Variants in NOL11 observed in about 807,000 individuals in gnomAD.
NOL11 encodes nucleolar protein 11.
Under a neutral mutation model 93.0 loss-of-function variants are expected in NOL11, and 42 were observed. That is an observed-to-expected ratio of 0.45 (90% CI 0.35 to 0.58). The LOEUF is 0.58. NOL11 is among the 20% of genes least tolerant of loss of function. NOL11 has a pLI of 0.00. For synonymous variants in NOL11, 296 were observed against 293.7 expected, an observed-to-expected ratio of 1.01 and a Z score of -0.08; for missense variants, 775 against 841.8, an observed-to-expected ratio of 0.92 and a Z score of 0.98.
rs142679416 is a variant in NOL11, at chr17:67,733,192, C to T, written c.854-1171C>T. ...CAGCCTGGCCATCATGGTGAAACCC[C>T]TGTCTCTACTAAAATTACAAAAATT... On this transcript the variant is annotated intron_variant, in intron 7 of 17. Coordinates refer to ENST00000253247, the MANE Select transcript of NOL11 (RefSeq NM_015462.5). Among the ~76,000 whole-genome samples the T allele has an allele frequency of 5.6e-3, 847 of 151,504 alleles. 9 individuals carry two copies. The highest frequency in any genetic ancestry group is 0.019 in the African/African-American group (786 of 41,314).
chr17:67,721,481 C>T lies in NOL11; in HGVS notation c.416C>T (p.Pro139Leu), dbSNP rs1234922936. The change falls in exon 4 of 18, where the codon CCC (proline) becomes CTC (leucine). Residue 139 changes from proline (P) to leucine (L), a missense_variant. Transcript: ENST00000253247. The stretch of plus-strand genomic sequence containing the variant: ...GGTTTAGAGGCCTTGCTTGCAGACC[C>T]CCAGCAGAAAATTGAAACTGTTATC... ...VRGLEALLAD[P>L]QQKIETVISD... 1 of 1,613,802 alleles carries T rather than the reference C, an allele frequency of 6.2e-7. No individual in the cohort carries two copies. Among genetic ancestry groups the T allele is most frequent in the Non-Finnish European group, 8.5e-7 (1 of 1,179,842 alleles).
At chr17:67,736,866 G>A in intron 10 of NOL11, 112 bp downstream of exon 10, 3 of 859,810 alleles carry the variant, frequency 3.5e-6, no homozygotes, top group Non-Finnish European at 5.5e-6. Context: ...TGACTATAAT[G>A]ACAGGACAGT....
In NOL11 at chr17:67,736,655, C is replaced by T. The variant is rs2055204798; in HGVS notation, c.1055-11C>T. 1 of 1,575,470 alleles carries T rather than the reference C, an allele frequency of 6.3e-7. No homozygotes were observed. Among genetic ancestry groups the T allele is most frequent in the Non-Finnish European group, 8.7e-7 (1 of 1,153,446 alleles). ...AACATTCCAGAAATTGTGCATTTTG[C>T]ATTTTCTTAGGAACTCATGTCGTGT... On this transcript the variant is annotated splice_polypyrimidine_tract_variant and intron_variant, in intron 9 of 17. Coordinates refer to ENST00000253247, the MANE Select transcript of NOL11 (RefSeq NM_015462.5).
intron 7 of NOL11, among the ~76,000 whole-genome samples, chr17:67,731,585 C>T (rs1002096620): frequency 1.3e-5 from 2 of 152,180 alleles, no homozygotes; most frequent in Non-Finnish European, 2.9e-5. Flanking sequence ...GCTTTTGGTT[C>T]CACATCCAAG....
chr17:67,738,679 A>T (rs1046338649), intron 14 of NOL11: 19 of 148,490 alleles, frequency 1.3e-4, no homozygotes, highest in East Asian at 6.6e-4. Context: ...CATCAGATTT[A>T]AAAAAAAAAA....
chr17:67,726,403 T>G (rs1165684612), intron 6 of NOL11, 57 bp from the exon 7 acceptor site: 26 of 1,400,298 alleles, frequency 1.9e-5, no homozygotes, highest in Non-Finnish European at 2.5e-5. Flanking sequence ...TACATTTAAC[T>G]GTAATAGATA....
chr17:67,721,971 C>G (rs1315059743), intron 4 of NOL11, among the ~76,000 whole-genome samples: 1 of 152,164 alleles, frequency 6.6e-6, no homozygotes, highest in Non-Finnish European at 1.5e-5. Context: ...CTTTCTGATA[C>G]TCTTTATTTC....
intron 7 of NOL11, 75 bp from the exon 8 acceptor site, chr17:67,734,288 G>C (rs4790943): frequency 1.3e-6 from 1 of 797,916 alleles, no homozygotes; most frequent in Admixed American, 2.2e-5. Flanking sequence ...ATATTTAACT[G>C]TAACTCCCCC....
chr17:67,737,888 A>G lies in NOL11; in HGVS notation c.1445A>G (p.Asp482Gly), dbSNP rs1567804951. The G allele has an allele frequency of 6.2e-7, 1 of 1,613,538 alleles. No homozygotes were observed. The change falls in exon 13 of 18, where the codon GAT (aspartate) becomes GGT (glycine). Residue 482 changes from aspartate (D) to glycine (G), a missense_variant. Asp to Gly is a moderately conservative substitution (Grantham distance 94). Around this residue, in one of 2 missense-constraint regions of NOL11, gnomAD observed 416 missense variants for 525.2 expected, o/e 0.79. Transcript: ENST00000253247. ...DLMEIALKKK[D>G]VQLLQLCLQQ... ...ATGGAGATTGCCTTAAAAAAGAAAGATGTACAGTTGTTACAACTCTGTCTA... is the reference window on the plus strand; with the variant it reads ...ATGGAGATTGCCTTAAAAAAGAAAGGTGTACAGTTGTTACAACTCTGTCTA...
intron 7 of NOL11, among the ~76,000 whole-genome samples, chr17:67,728,159 C>G (rs2055116975): frequency 6.6e-6 from 1 of 152,088 alleles, no homozygotes; most frequent in Non-Finnish European, 1.5e-5. Flanking sequence ...ACTCGGGAGG[C>G]TGAGGCAGGA....
chr17:67,728,237 G>A (rs1310220262), intron 7 of NOL11, among the ~76,000 whole-genome samples: 1 of 152,122 alleles, frequency 6.6e-6, no homozygotes, highest in Non-Finnish European at 1.5e-5. Context: ...TCCAGCCTGG[G>A]GGACAGAGCA....
intron 14 of NOL11, 136 bp downstream of exon 14, chr17:67,738,491 T>C (rs1369857219): frequency 6.3e-6 from 4 of 634,490 alleles, no homozygotes; most frequent in African/African-American, 1.8e-5. Context: ...TGTTTGAAAA[T>C]AGATTATGTT....
At position 67,719,702 on chromosome 17, in the gene NOL11, G is replaced by C; in HGVS notation, c.170G>C (p.Trp57Ser). Residue 57 changes from tryptophan (W) to serine (S), a missense_variant, in exon 2 of 18, where the codon TGG (tryptophan) becomes TCG (serine). Transcript: ENST00000253247. ...TCTGATCAGAAACCCTTGGGGAGCT[G>C]GTCAGTGAAACAAGGTCAAATTATA... is the stretch of plus-strand genomic sequence containing the variant. ...KVSDQKPLGS[W>S]SVKQGQIITC... 6.2e-7 allele frequency: 1 copy of C among 1,606,602 alleles called. No homozygotes were observed. Among genetic ancestry groups the C allele is most frequent in the Non-Finnish European group, 8.5e-7 (1 of 1,175,638 alleles).
chr17:67,724,109 C>T lies in NOL11; in HGVS notation c.580C>T (p.Leu194Phe). Reference protein sequence around the residue: ...FNSRILTKYTLLLGQDENSVI... With the variant: ...FNSRILTKYTFLLGQDENSVI... ...CTCACGTATCTTAACCAAATATACA[C>T]TCTTACTTGGACAAGACGAAAACTC... The change falls in exon 6 of 18, where the codon CTC becomes TTC. Residue 194 changes from leucine to phenylalanine, a missense_variant. Physicochemically the swap from Leu to Phe is conservative, Grantham distance 22. This residue lies in a region of NOL11 where 359 missense variants were observed against 316.5 expected (regional missense o/e 1.13). Transcript: ENST00000253247. 2 of 1,588,254 alleles carry T rather than the reference C, an allele frequency of 1.3e-6. No individual in the cohort carries two copies. Among genetic ancestry groups the T allele is most frequent in the Middle Eastern group, 1.7e-4 (1 of 5,746 alleles).
At chr17:67,730,154 A>C (rs1023327540) in intron 7 of NOL11, among the ~76,000 whole-genome samples, 4 of 152,188 alleles carry the variant, frequency 2.6e-5, no homozygotes, top group African/African-American at 9.7e-5. Flanking sequence ...CTGTTCATCC[A>C]TTCATGGATA....
At position 67,738,317 on chromosome 17, in the gene NOL11, C is replaced by G. The variant is rs1475797990; in HGVS notation, c.1725C>G (p.Ser575Arg). 2 of 1,613,680 alleles carry G rather than the reference C, an allele frequency of 1.2e-6. No individual in the cohort carries two copies. The highest frequency in any genetic ancestry group is 2.2e-5 in the South Asian group (2 of 91,074). The change falls in exon 14 of 18, where the codon AGC becomes AGG. Residue 575 changes from serine to arginine, a missense_variant. Physicochemically the swap from Ser to Arg is moderately radical, Grantham distance 110. Transcript: ENST00000253247. ...AGCCCCAGGACGAAACAAAGGAGAG[C>G]ACTTCATGCCCTGTGGTACAAAAAA... ...NKKPQDETKESTSCPVVQKRA... is the reference protein window; with the variant it reads ...NKKPQDETKERTSCPVVQKRA...
At chr17:67,735,046 ATAAAT>A (rs1279763666) in intron 8 of NOL11, among the ~76,000 whole-genome samples, 17 of 152,170 alleles carry the variant, frequency 1.1e-4, no homozygotes, top group African/African-American at 3.9e-4. Flanking sequence ...ACTTTTCCTA[ATAAAT>A]TAGTCTTTTA....
rs907633828 is a variant in NOL11 at position 67,724,064 on chromosome 17, G to T, written c.535G>T (p.Ala179Ser). The change falls in exon 6 of 18, where the codon GCT becomes TCT. Residue 179 changes from alanine (A) to serine (S), a missense_variant. Physicochemically the swap from Ala to Ser is moderately conservative, Grantham distance 99. This residue lies in a region of NOL11 where 359 missense variants were observed against 316.5 expected (regional missense o/e 1.13). Coordinates refer to ENST00000253247, the MANE Select transcript of NOL11 (RefSeq NM_015462.5). ...FITEKHGNYF[A>S]YVQMFNSRIL... ...TTTTTTGCAGCATGGAAATTACTTT[G>T]CTTACGTGCAAATGTTTAACTCACG... is the stretch of plus-strand genomic sequence containing the variant. 1.9e-6 allele frequency: 3 copies of T among 1,542,484 alleles called. No homozygotes were observed. Among genetic ancestry groups the T allele is most frequent in the Non-Finnish European group, 2.6e-6 (3 of 1,148,686 alleles).
In NOL11 at chr17:67,734,439, A is replaced by C. The variant is rs199677357; in HGVS notation, c.930A>C (p.Gln310His). Residue 310 changes from glutamine (Q) to histidine (H), a missense_variant and splice_region_variant, in exon 8 of 18, where the codon CAA (glutamine) becomes CAC (histidine). Gln to His is a conservative substitution (Grantham distance 24). Coordinates refer to ENST00000253247, the MANE Select transcript of NOL11 (RefSeq NM_015462.5). The part of the protein sequence containing the change: ...SKELPQGTSG[Q>H]LWYYGEHLFM... The stretch of plus-strand genomic sequence containing the variant: ...AGTTACCACAAGGGACCAGTGGTCA[A>C]GTAAGTTTTTTCACTTGAGTACTTT... The C allele has an allele frequency of 6.3e-7, 1 of 1,592,472 alleles. No homozygotes were observed. Among genetic ancestry groups the C allele is most frequent in the African/African-American group, 1.3e-5 (1 of 74,192 alleles).
Sources: gnomAD v4.1 joint callset for allele counts (sites outside exome capture counted in the v4.1 genomes callset) on GRCh38, gnomAD v4.1.1 for gene constraint, gnomAD v4.1.1 regional missense constraint, MANE v1.5 for transcripts, NCBI Gene and HGNC (gene_info 2026-07-23, HGNC 2026-07-21) for gene names.